ANO6: variants seen among roughly 807,000 people sequenced by gnomAD.
ANO6 encodes the protein anoctamin 6, also known as anoctamin-6.
A neutral mutation model predicts 117.5 loss-of-function variants in ANO6; 106 were observed. The observed-to-expected ratio is 0.90, with a 90% CI of 0.77 to 1.06. ANO6 has a LOEUF of 1.06. Ranked by LOEUF, ANO6 falls within the 50% of genes least tolerant of loss-of-function variation. The pLI is 0.00. For missense variants in ANO6, 955 were observed against 1,121.1 expected (o/e 0.85, Z 2.12); for synonymous variants, 367 against 385.1 (o/e 0.95, Z 0.55).
chr12:45,363,083 C>T (rs1941595908), intron 8 of ANO6, among the ~76,000 whole-genome samples: 2 of 151,986 alleles, frequency 1.3e-5, no homozygotes, highest in Admixed American at 6.6e-5. Context: ...TTCTTGTCCA[C>T]AATGCTTGGG....
At chr12:45,301,237 T>C (rs1409900116) in intron 1 of ANO6, among the ~76,000 whole-genome samples, 1 of 16,138 alleles carries the variant, frequency 6.2e-5, no homozygotes, top group Non-Finnish European at 4.6e-4. Flanking sequence ...TTTCACCTGT[T>C]TCTTTTTTTT....
intron 3 of ANO6, among the ~76,000 whole-genome samples, chr12:45,332,300 TCTCTCTCTCTCA>T (rs1940692220): frequency 9.3e-6 from 1 of 107,986 alleles, no homozygotes; most frequent in Non-Finnish European, 1.9e-5. Context: ...CTGTTCTCTC[TCTCTCTCTCTCA>T]CACACACACA....
At chr12:45,308,568 ATGGTAG>A in intron 2 of ANO6, among the ~76,000 whole-genome samples, 1 of 152,192 alleles carries the variant, frequency 6.6e-6, no homozygotes, top group African/African-American at 2.4e-5. Flanking sequence ...AGCCTACTCA[ATGGTAG>A]TGGTCATGGT....
intron 1 of ANO6, among the ~76,000 whole-genome samples, chr12:45,227,901 ATTGTGTGTG>A (rs889465682): frequency 6.6e-6 from 1 of 152,148 alleles, no homozygotes; most frequent in African/African-American, 2.4e-5. Context: ...AGCGATAATT[ATTGTGTGTG>A]TTTTTTCCTA....
intron 10 of ANO6, among the ~76,000 whole-genome samples, chr12:45,380,712 G>A (rs879298234): frequency 2.6e-5 from 4 of 152,150 alleles, no homozygotes; most frequent in Admixed American, 1.3e-4. Flanking sequence ...GGTGGCTCAC[G>A]CCTGCAATCC....
chr12:45,419,097 T>C (rs1043496622), intron 17 of ANO6, among the ~76,000 whole-genome samples: 1 of 152,240 alleles, frequency 6.6e-6, no homozygotes, highest in Non-Finnish European at 1.5e-5. Context: ...TTAAAGCTGC[T>C]GGTTCAATAA....
At chr12:45,422,926 G>T (rs1415683311) in intron 18 of ANO6, 31 bp from the exon 19 acceptor site, 1 of 1,492,742 alleles carries the variant, frequency 6.7e-7, no homozygotes, top group African/African-American at 1.4e-5. Context: ...AAAAAGATTT[G>T]TCTCCCAATA....
In ANO6 at chr12:45,362,499, CTTTTGA is replaced by C. The variant is rs577189431; in HGVS notation, c.998+5080_998+5085del. Among the ~76,000 whole-genome samples the C allele has an allele frequency of 2.3e-4, 35 of 151,870 alleles. No homozygotes were observed. The South Asian group carries it at 7.3e-3, about 32-fold the overall frequency. ...TATTTCATTTATTTCCACTTGTTGC[CTTTTGA>C]TTTTAATATTTAGTTCATTTATATT... On this transcript the variant is annotated intron_variant, in intron 8 of 19. Transcript: ENST00000320560.
chr12:45,299,293 C>T (rs556735575), intron 1 of ANO6, among the ~76,000 whole-genome samples: 1 of 152,278 alleles, frequency 6.6e-6, no homozygotes, highest in South Asian at 2.1e-4. Context: ...GTGTAACAGA[C>T]TGTGTGGTGA....
intron 1 of ANO6, among the ~76,000 whole-genome samples, chr12:45,226,744 T>G (rs1335014247): frequency 6.6e-6 from 1 of 152,070 alleles, no homozygotes; most frequent in Non-Finnish European, 1.5e-5. Flanking sequence ...TTTTTTCTGA[T>G]TTGTACTAAA....
chr12:45,363,899 G>A (rs1374380846), intron 8 of ANO6, among the ~76,000 whole-genome samples: 1 of 152,210 alleles, frequency 6.6e-6, no homozygotes, highest in East Asian at 1.9e-4. Context: ...GGAACTGTGA[G>A]TCCATTAAAC....
At chr12:45,421,520 A>G (rs1565771033) in intron 18 of ANO6, among the ~76,000 whole-genome samples, 1 of 152,210 alleles carries the variant, frequency 6.6e-6, no homozygotes, top group Non-Finnish European at 1.5e-5. Context: ...ACTAGGGGTA[A>G]AACTTTCAGA....
At chr12:45,425,487 G>A (rs897874355) in intron 19 of ANO6, among the ~76,000 whole-genome samples, 12 of 152,188 alleles carry the variant, frequency 7.9e-5, no homozygotes, top group African/African-American at 2.9e-4. Flanking sequence ...AAAGTAACCG[G>A]AGGGAAAAAA....
intron 10 of ANO6, 44 bp downstream of exon 10, chr12:45,378,157 T>A (rs752241365): frequency 2.6e-6 from 4 of 1,559,546 alleles, no homozygotes; most frequent in South Asian, 2.3e-5. Flanking sequence ...TTGATAGTAT[T>A]ACACAGTTTT....
Position 45,429,615 on chromosome 12 carries a change from T to C in ANO6, c.*304T>C, listed in dbSNP as rs1483153198. ...AAAAACCACCCCTTCTAAAGTAGAATGGATTCTTTTTTTTCTGTTTGATTA... is the reference window on the plus strand; with the variant it reads ...AAAAACCACCCCTTCTAAAGTAGAACGGATTCTTTTTTTTCTGTTTGATTA... On this transcript the variant is annotated 3_prime_UTR_variant, in exon 20 of 20. Coordinates refer to ENST00000320560, the MANE Select transcript of ANO6 (RefSeq NM_001025356.3). 8.5e-7 allele frequency: 1 copy of C among 1,183,220 alleles called. No homozygotes were observed. The highest frequency in any genetic ancestry group is 1.6e-5 in the African/African-American group (1 of 63,108). The allele number at this position is 1,183,220 out of a possible 1,614,324, so 73.3% of individuals were successfully genotyped here.
At chr12:45,281,049 C>T (rs984612776) in intron 1 of ANO6, among the ~76,000 whole-genome samples, 7 of 152,068 alleles carry the variant, frequency 4.6e-5, no homozygotes, top group African/African-American at 1.4e-4. Context: ...CACTGTTTTC[C>T]ATCAACGTGT....
chr12:45,367,687 G>A lies in ANO6; in HGVS notation c.999-1G>A, dbSNP rs753856826. ...ATTAAGTTTTATTTCTCTCTTTTTAGCAAAGAAGTTTGTCATCCTGATATT... is the reference window on the plus strand; with the variant it reads ...ATTAAGTTTTATTTCTCTCTTTTTAACAAAGAAGTTTGTCATCCTGATATT... On this transcript the variant is annotated splice_acceptor_variant, in intron 8 of 19. Transcript: ENST00000320560. LOFTEE classifies it high-confidence loss of function. The A allele has an allele frequency of 3.7e-6, 6 of 1,610,372 alleles. No homozygotes were observed. The highest frequency in any genetic ancestry group is 5.1e-6 in the Non-Finnish European group (6 of 1,177,730).
At chr12:45,270,013 T>C (rs1031015648) in intron 1 of ANO6, among the ~76,000 whole-genome samples, 4 of 152,186 alleles carry the variant, frequency 2.6e-5, no homozygotes. Flanking sequence ...ATTATTGGAA[T>C]GCAGCCTCCA....
At chr12:45,320,912 T>A (rs1940243126) in intron 2 of ANO6, among the ~76,000 whole-genome samples, 2 of 152,292 alleles carry the variant, frequency 1.3e-5, no homozygotes, top group South Asian at 4.1e-4. Context: ...TGGTTTAAAG[T>A]CTGTTTTATC....
Sources: gnomAD v4.1 joint callset for allele counts (sites outside exome capture counted in the v4.1 genomes callset) on GRCh38, gnomAD v4.1.1 for gene constraint, MANE v1.5 for transcripts, NCBI Gene and HGNC (gene_info 2026-07-23, HGNC 2026-07-21) for gene names.